Variants in TEX10 observed in about 807,000 individuals in gnomAD.
TEX10 encodes the protein testis expressed 10.
In TEX10, 24 loss-of-function variants were observed where a neutral mutation model predicts 104.4. The ratio of observed to expected loss-of-function variants is 0.23; its 90% CI spans 0.17 to 0.32. The LOEUF (loss-of-function observed/expected upper bound fraction) is 0.32, where lower values mean the gene tolerates loss of function less well. TEX10 is among the 10% of genes least tolerant of loss of function. TEX10 has a pLI of 1.00. For missense variants in TEX10, 921 were observed against 1,083.9 expected (o/e 0.85, Z 2.11); for synonymous variants, 396 against 393.4 (o/e 1.01, Z -0.08).
intron 1 of TEX10, 53 bp from the exon 2 acceptor site, chr9:100,349,425 T>G (rs144286380): frequency 7.9e-7 from 1 of 1,258,820 alleles, no homozygotes; most frequent in African/African-American, 1.5e-5. Flanking sequence ...GAATAAATTA[T>G]GAAAAAAGGC....
Position 100,327,894 on chromosome 9 carries a change from C to T in TEX10, c.1694G>A (p.Arg565Gln), listed in dbSNP as rs1047446448. 1.2e-6 allele frequency: 2 copies of T among 1,603,632 alleles called. No individual in the cohort carries two copies. Among genetic ancestry groups the T allele is most frequent in the South Asian group, 1.1e-5 (1 of 89,298 alleles). Residue 565 changes from arginine to glutamine, a missense_variant, in exon 8 of 15, where the codon CGA becomes CAA. Arg to Gln is a conservative substitution (Grantham distance 43, BLOSUM62 1). Around this residue, in one of 3 missense-constraint regions of TEX10, gnomAD observed 753 missense variants for 868.4 expected, o/e 0.87. Transcript: ENST00000374902. ...AAGCTGTGTAGAGAGCTCAGGATTT[C>T]GGGAGCCAAGATGAGCAAGTTGCAA... is the stretch of plus-strand genomic sequence containing the variant. ...LPLQLAHLGSRNPELSTQLID... is the reference protein window; with the variant it reads ...LPLQLAHLGSQNPELSTQLID...
intron 2 of TEX10, among the ~76,000 whole-genome samples, chr9:100,347,708 T>C (rs1835334447): frequency 6.6e-6 from 1 of 152,124 alleles, no homozygotes. Context: ...GAAAACCTAC[T>C]AGGTACCAAA....
At chr9:100,306,273 T>C (rs181381796) in intron 13 of TEX10, 6 of 152,178 alleles carry the variant, frequency 3.9e-5, no homozygotes, top group East Asian at 1.9e-4. Flanking sequence ...AAATTAATAA[T>C]AACTTTCCAG....
chr9:100,303,440 C>CA (rs1564199892), intron 14 of TEX10, among the ~76,000 whole-genome samples, 192 bp downstream of exon 14: 1 of 54,952 alleles, frequency 1.8e-5, no homozygotes, highest in Non-Finnish European at 2.9e-5. Context: ...ACAGACACAC[C>CA]CCCCCCCCCA....
intron 4 of TEX10, among the ~76,000 whole-genome samples, chr9:100,341,216 T>C (rs2118919312): frequency 6.6e-6 from 1 of 152,340 alleles, no homozygotes; most frequent in Middle Eastern, 3.4e-3. Context: ...TCCACCTACC[T>C]TGGCCTCCCA....
intron 5 of TEX10, among the ~76,000 whole-genome samples, chr9:100,333,960 C>T (rs1302452743): frequency 6.6e-6 from 1 of 151,918 alleles, no homozygotes; most frequent in African/African-American, 2.4e-5. Context: ...TTATGTTTGA[C>T]TACAACTGAA....
intron 6 of TEX10, among the ~76,000 whole-genome samples, 200 bp from the exon 7 acceptor site, chr9:100,329,475 T>C (rs1324234182): frequency 6.6e-6 from 1 of 152,176 alleles, no homozygotes; most frequent in Non-Finnish European, 1.5e-5. Context: ...GTATAAATTT[T>C]CTTAACAACA....
In TEX10 at chr9:100,320,289, A is replaced by G. The variant is rs1048980464; in HGVS notation, c.2178T>C (p.Phe726=). The G allele has an allele frequency of 1.9e-6, 3 of 1,612,190 alleles. No individual in the cohort carries two copies. The highest frequency in any genetic ancestry group is 2.2e-5 in the East Asian group (1 of 44,838). The change falls in exon 11 of 15, where the codon TTT becomes TTC. Residue 726 remains phenylalanine, a synonymous_variant. Transcript: ENST00000374902. The stretch of plus-strand genomic sequence containing the variant: ...CCTCTGTTACATCCCAGTGGTGTAA[A>G]AATTGATCCAAATCTGTAAGGTAGA... ...VLLYLTDLDQ[F]LHHWDVTEAV...
intron 11 of TEX10, among the ~76,000 whole-genome samples, chr9:100,319,322 C>A (rs1018837233): frequency 4.6e-5 from 7 of 152,052 alleles, no homozygotes; most frequent in Non-Finnish European, 8.8e-5. Context: ...CATAAGATTT[C>A]CCATATTTAT....
At chr9:100,313,948 G>C (rs1834347699) in intron 11 of TEX10, among the ~76,000 whole-genome samples, 1 of 151,902 alleles carries the variant, frequency 6.6e-6, no homozygotes, top group Non-Finnish European at 1.5e-5. Flanking sequence ...GTCACAGAAT[G>C]AATTAAGGAG....
At chr9:100,324,813 C>G (rs1296683065) in intron 9 of TEX10, among the ~76,000 whole-genome samples, 3 of 151,966 alleles carry the variant, frequency 2.0e-5, no homozygotes, top group Non-Finnish European at 2.9e-5. Context: ...TACTGGAAGT[C>G]AAATAAAAAA....
intron 1 of TEX10, 117 bp downstream of exon 1, chr9:100,352,655 C>A (rs1002769237): frequency 2.4e-5 from 35 of 1,428,796 alleles, no homozygotes; most frequent in African/African-American, 4.3e-5. Context: ...ACCCGGGGGA[C>A]GCAAATCGTG....
chr9:100,329,116 A>G, intron 7 of TEX10, 24 bp downstream of exon 7: 1 of 1,571,424 alleles, frequency 6.4e-7, no homozygotes, highest in Non-Finnish European at 8.6e-7. Flanking sequence ...GAGAAAAAAG[A>G]AAGGAAAAAT....
intron 4 of TEX10, among the ~76,000 whole-genome samples, chr9:100,340,630 G>C (rs1260729644): frequency 6.6e-6 from 1 of 152,122 alleles, no homozygotes; most frequent in Non-Finnish European, 1.5e-5. Flanking sequence ...AAGTATCTGA[G>C]ACTTAAGAAA....
In TEX10 at chr9:100,303,790, G is replaced by A; in HGVS notation, c.2518C>T (p.Leu840Phe). Residue 840 changes from leucine (L) to phenylalanine (F), a missense_variant, in exon 14 of 15, where the codon CTC becomes TTC. Leu to Phe is a conservative substitution (Grantham distance 22, BLOSUM62 0). This residue lies in a region of TEX10 where 753 missense variants were observed against 868.4 expected (regional missense o/e 0.87). Transcript: ENST00000374902. ...CGCAGGCTCTGCAGCATCAACCTGA[G>A]GACTCGAGGCAAGAGAGCCAGGATG... The part of the protein sequence containing the change: ...VSILALLPRV[L>F]RLMLQSLRVN... 6.2e-7 allele frequency: 1 copy of A among 1,614,038 alleles called. No individual in the cohort carries two copies. Among genetic ancestry groups the A allele is most frequent in the Non-Finnish European group, 8.5e-7 (1 of 1,180,022 alleles).
intron 9 of TEX10, among the ~76,000 whole-genome samples, chr9:100,324,600 C>T (rs1333212530): frequency 6.6e-6 from 1 of 152,012 alleles, no homozygotes; most frequent in Non-Finnish European, 1.5e-5. Flanking sequence ...TCCCAATTCT[C>T]GCCACTCATC....
Position 100,347,230 on chromosome 9 carries a change from A to G in TEX10, c.357T>C (p.Val119=), listed in dbSNP as rs771982149. The G allele has an allele frequency of 8.1e-6, 13 of 1,614,136 alleles. No homozygotes were observed. In the East Asian group the frequency reaches 2.7e-4, roughly 33 times the overall value. The change falls in exon 3 of 15, where the codon GTT becomes GTC. Residue 119 remains valine, a synonymous_variant. Transcript: ENST00000374902. ...DKDANVRLAA[V]QLLQFLAPKI... ...TGGGGGCCAGGAATTGAAGAAGTTG[A>G]ACTGCTGCTAATCGTACATTAGCAT... is the stretch of plus-strand genomic sequence containing the variant.
intron 7 of TEX10, 139 bp from the exon 8 acceptor site, chr9:100,328,101 T>A: frequency 1.6e-6 from 1 of 635,478 alleles, no homozygotes; most frequent in Non-Finnish European, 2.4e-6. Flanking sequence ...TTTATTCATT[T>A]AAACATTTGA....
intron 11 of TEX10, among the ~76,000 whole-genome samples, chr9:100,311,382 A>ACC (rs1491512708): frequency 1.3e-5 from 2 of 152,310 alleles, no homozygotes; most frequent in East Asian, 3.9e-4. Context: ...CCTGGATGAC[A>ACC]GAGTGAGACA....
Sources: gnomAD v4.1 joint callset for allele counts (sites outside exome capture counted in the v4.1 genomes callset) on GRCh38, gnomAD v4.1.1 for gene constraint, gnomAD v4.1.1 regional missense constraint, MANE v1.5 for transcripts, NCBI Gene and HGNC (gene_info 2026-07-23, HGNC 2026-07-21) for gene names.